Variants in HEATR5B observed in about 807,000 individuals in gnomAD.
HEATR5B encodes HEAT repeat containing 5B.
Under a neutral mutation model 224.1 loss-of-function variants are expected in HEATR5B, and 156 were observed. The ratio of observed to expected loss-of-function variants is 0.70; its 90% CI spans 0.61 to 0.80. The LOEUF is 0.80. Among genes scored for constraint, HEATR5B ranks in the 30% least tolerant of loss-of-function variants. The pLI is 0.00. For synonymous variants in HEATR5B, 1,027 were observed against 893.0 expected (o/e 1.15, Z -2.68); for missense variants, 2,323 against 2,535.5 (o/e 0.92, Z 1.80).
intron 11 of HEATR5B, among the ~76,000 whole-genome samples, chr2:37,061,456 T>C (rs1420698901): frequency 6.6e-6 from 1 of 152,218 alleles, no homozygotes; most frequent in African/African-American, 2.4e-5. Flanking sequence ...AATATGAACA[T>C]ACCCCATCAC....
intron 33 of HEATR5B, among the ~76,000 whole-genome samples, chr2:36,992,093 G>A (rs1489462873): frequency 1.3e-5 from 2 of 152,162 alleles, no homozygotes; most frequent in African/African-American, 4.8e-5. Flanking sequence ...AGCTATTTGG[G>A]AGGCTGAGGC....
chr2:37,018,929 A>C (rs1668292111), intron 26 of HEATR5B, among the ~76,000 whole-genome samples: 1 of 152,166 alleles, frequency 6.6e-6, no homozygotes, highest in African/African-American at 2.4e-5. Context: ...TGGGAGGCCA[A>C]GGCAGGTGAA....
At chr2:37,029,936 A>AAAT (rs1669017617) in intron 22 of HEATR5B, among the ~76,000 whole-genome samples, 1 of 142,466 alleles carries the variant, frequency 7.0e-6, no homozygotes, top group African/African-American at 2.6e-5. Flanking sequence ...TCTATCTCAA[A>AAAT]AAATAAATAA....
chr2:37,039,031 C>T (rs190382691), intron 20 of HEATR5B, among the ~76,000 whole-genome samples: 3 of 151,886 alleles, frequency 2.0e-5, no homozygotes, highest in South Asian at 2.1e-4. Context: ...TTAAGAATGC[C>T]GGTAACGGGC....
intron 35 of HEATR5B, among the ~76,000 whole-genome samples, chr2:36,985,621 CTTTTTTTTTTTTT>C (rs558499229): frequency 1.1e-5 from 1 of 92,298 alleles, no homozygotes; most frequent in South Asian, 3.0e-4. Context: ...CCACTCCTGG[CTTTTTTTTTTTTT>C]TTTTTTTTTT....
chr2:37,083,013 C>T (rs1206697000), intron 2 of HEATR5B, among the ~76,000 whole-genome samples: 1 of 152,032 alleles, frequency 6.6e-6, no homozygotes, highest in Non-Finnish European at 1.5e-5. Context: ...TCACTTGCAA[C>T]GGGTGACGAT....
intron 27 of HEATR5B, among the ~76,000 whole-genome samples, chr2:37,009,894 C>T (rs1445772260): frequency 6.6e-6 from 1 of 151,568 alleles, no homozygotes; most frequent in Non-Finnish European, 1.5e-5. Flanking sequence ...AAAGAGACAT[C>T]AGAAAGGATT....
In HEATR5B at chr2:37,031,157, G is replaced by C. The variant is rs566966074; in HGVS notation, c.3361+1472C>G. Reference sequence around the variant, plus strand: ...GACTCCATGGGGACAGGGCTCTGGGGAGCTTGTGCCTGGTTTCCTCTAACT... The same window carrying C: ...GACTCCATGGGGACAGGGCTCTGGGCAGCTTGTGCCTGGTTTCCTCTAACT... On this transcript the variant is annotated intron_variant, in intron 22 of 35. Coordinates refer to ENST00000233099, the MANE Select transcript of HEATR5B (RefSeq NM_019024.3). Among the ~76,000 whole-genome samples, 384 of 152,296 alleles carry C rather than the reference G, an allele frequency of 2.5e-3. 2 individuals carry two copies. Among genetic ancestry groups the C allele is most frequent in the Non-Finnish European group, 4.4e-3 (302 of 68,030 alleles).
At chr2:37,077,120 T>G (rs992461816) in intron 3 of HEATR5B, 101 bp from the exon 4 acceptor site, 1 of 967,730 alleles carries the variant, frequency 1.0e-6, no homozygotes, top group Admixed American at 2.4e-5. Context: ...AGGACACTTT[T>G]GGCTATAATC....
Position 37,084,324 on chromosome 2 carries a change from G to A in HEATR5B, c.-78C>T. On this transcript the variant is annotated 5_prime_UTR_variant, in exon 1 of 36. Transcript: ENST00000233099. ...CTCCGGGGGTAGAAGCAGCCACCAA[G>A]AGACCCGGATGCCCCACCTCCCGCA... 1 of 405,644 alleles carries A rather than the reference G, an allele frequency of 2.5e-6. No homozygotes were observed. The highest frequency in any genetic ancestry group is 4.3e-6 in the Non-Finnish European group (1 of 233,362). The allele number at this position is 405,644 out of a possible 1,614,324, so 25.1% of individuals were successfully genotyped here.
At position 37,072,183 on chromosome 2, in the gene HEATR5B, A is replaced by G; in HGVS notation, c.696T>C (p.Tyr232=). ...GTTTAGACACTGCCACTCGTACCCC[A>G]TAATTTGAGTTTTCCAAAGCCTTAA... ...LCFKALENSN[Y]GVRVAVSKLL... The change falls in exon 6 of 36, where the codon TAT becomes TAC. Residue 232 remains tyrosine, a synonymous_variant. Transcript: ENST00000233099. 6.2e-7 allele frequency: 1 copy of G among 1,614,084 alleles called. No homozygotes were observed. The highest frequency in any genetic ancestry group is 1.7e-5 in the Admixed American group (1 of 60,018).
chr2:37,068,817 A>G lies in HEATR5B; in HGVS notation c.1041T>C (p.His347=), dbSNP rs778572882. The change falls in exon 8 of 36, where the codon CAT becomes CAC. Residue 347 remains histidine, a synonymous_variant. Coordinates refer to ENST00000233099, the MANE Select transcript of HEATR5B (RefSeq NM_019024.3). ...LVSHPRATQT[H]VEAVYSRRCV... ...ATCGTCTGGAGTACACAGCCTCCAC[A>G]TGTGTTTGTGTTGCCCGAGGATGGG... 5.0e-6 allele frequency: 8 copies of G among 1,614,136 alleles called. No homozygotes were observed. The highest frequency in any genetic ancestry group is 1.6e-4 in the Middle Eastern group (1 of 6,062).
chr2:37,073,315 TCAC>T (rs1361062831), intron 5 of HEATR5B, among the ~76,000 whole-genome samples: 5 of 152,220 alleles, frequency 3.3e-5, no homozygotes, highest in African/African-American at 1.2e-4. Context: ...TCAATGTTAT[TCAC>T]CACATTAGCA....
intron 26 of HEATR5B, among the ~76,000 whole-genome samples, chr2:37,017,692 A>G (rs1668209468): frequency 6.7e-6 from 1 of 150,268 alleles, no homozygotes; most frequent in Admixed American, 6.6e-5. Flanking sequence ...CGTCTCAAAA[A>G]AAAAAAAAAA....
Position 37,028,119 on chromosome 2 carries a change from T to G in HEATR5B, c.3657A>C (p.Lys1219Asn). Residue 1219 changes from lysine to asparagine, a missense_variant, in exon 24 of 36, where the codon AAA becomes AAC. Lys to Asn is a moderately conservative substitution (Grantham distance 94). Around this residue, in one of 12 missense-constraint regions of HEATR5B, gnomAD observed 339 missense variants for 378.4 expected, o/e 0.90. Coordinates refer to ENST00000233099, the MANE Select transcript of HEATR5B (RefSeq NM_019024.3). ...ACATGGTATCATCATCCATCTCATC[T>G]TTCTTTTCAGCTTCTTCATCTTTTC... ...SSGKDEEAEK[K>N]DEMDDDTMFT... is the part of the protein sequence containing the mutation. The G allele has an allele frequency of 6.2e-7, 1 of 1,612,072 alleles. No homozygotes were observed.
chr2:37,067,714 G>A (rs1671670204), intron 8 of HEATR5B, among the ~76,000 whole-genome samples: 2 of 152,200 alleles, frequency 1.3e-5, no homozygotes, highest in Admixed American at 1.3e-4. Context: ...GGAGGTTGTA[G>A]TGAGCCAAGA....
chr2:36,990,755 T>A lies in HEATR5B; in HGVS notation c.5590A>T (p.Ile1864Phe), dbSNP rs1024204513. 6.2e-7 allele frequency: 1 copy of A among 1,611,668 alleles called. No homozygotes were observed. The highest frequency in any genetic ancestry group is 8.5e-7 in the Non-Finnish European group (1 of 1,178,472). ...CTAGCAGACCACAGGAAGAGTGCAA[T>A]TGCTGTTAGCATGCTTACTTCATCA... ...TPDEVSMLTA[I>F]ALFLWSASNE... Residue 1864 changes from isoleucine (I) to phenylalanine (F), a missense_variant, in exon 34 of 36, where the codon ATT becomes TTT. Physicochemically the swap from Ile to Phe is conservative, Grantham distance 21. This residue lies in a region of HEATR5B where 844 missense variants were observed against 812.9 expected (regional missense o/e 1.04). Transcript: ENST00000233099.
intron 35 of HEATR5B, among the ~76,000 whole-genome samples, chr2:36,983,219 C>T (rs530518448): frequency 6.6e-6 from 1 of 152,118 alleles, no homozygotes; most frequent in East Asian, 1.9e-4. Flanking sequence ...TTCAATTTCC[C>T]TCATGTACAA....
chr2:36,987,321 C>T (rs1052186399), intron 35 of HEATR5B, among the ~76,000 whole-genome samples: 1 of 151,352 alleles, frequency 6.6e-6, no homozygotes, highest in African/African-American at 2.4e-5. Context: ...CCCAGCTACT[C>T]AGGAGGCTGA....
Sources: allele counts gnomAD v4.1 joint callset (sites outside exome capture counted in the v4.1 genomes callset), GRCh38; gene constraint gnomAD v4.1.1; regional missense constraint gnomAD v4.1.1; transcripts MANE v1.5; gene names NCBI Gene and HGNC (gene_info 2026-07-23, HGNC 2026-07-21).